The following IHO1 variants were observed in gnomAD, a reference collection of about 807,000 sequenced individuals.
IHO1 encodes interactor of HORMAD1 protein 1.
Under a neutral mutation model 31.0 loss-of-function variants are expected in IHO1, and 13 were observed. The observed-to-expected ratio is 0.42, with a 90% CI of 0.27 to 0.67. The LOEUF (loss-of-function observed/expected upper bound fraction) is 0.67. Among genes scored for constraint, IHO1 ranks in the 30% least tolerant of loss-of-function variants. The probability of loss-of-function intolerance (pLI) is 0.24; values close to 1 mark genes in which losing one functional copy is unlikely to be tolerated. For synonymous variants in IHO1, 221 were observed against 248.4 expected (o/e 0.89, Z 1.04); for missense variants, 599 against 687.5 (o/e 0.87, Z 1.44).
the IHO1 span, among the ~76,000 whole-genome samples, chr3:49,192,812 C>A: frequency 1.3e-5 from 2 of 152,008 alleles, no homozygotes; most frequent in Admixed American, 6.6e-5. Flanking sequence ...GGGAGGATTG[C>A]CTGAGCCTGA....
Position 49,256,106 on chromosome 3 carries a change from C to T in IHO1, c.637-28C>T, listed in dbSNP as rs1464068500. 6.4e-7 allele frequency: 1 copy of T among 1,567,800 alleles called. No individual in the cohort carries two copies. The highest frequency in any genetic ancestry group is 1.4e-5 in the African/African-American group (1 of 73,924). ...GCTTTCTGACTTGCACTGTCCATCA[C>T]TGTCTTTCTCACTGCCTCTCTCCCC... is the stretch of plus-strand genomic sequence containing the variant. On this transcript the variant is annotated intron_variant, in intron 7 of 7. Transcript: ENST00000452691. This position sits in a 1 kb window ranked among gnomAD's most constrained non-coding sequence, Gnocchi z 4.6.
chr3:49,202,578 G>A (rs1196816151), intron 1 of IHO1, among the ~76,000 whole-genome samples: 3 of 151,054 alleles, frequency 2.0e-5, no homozygotes, highest in Non-Finnish European at 3.0e-5. Context: ...GGGTTTCACC[G>A]TGTTAGCCAG....
chr3:49,192,733 A>G, the IHO1 span, among the ~76,000 whole-genome samples: 3 of 152,108 alleles, frequency 2.0e-5, no homozygotes, highest in Admixed American at 6.6e-5. Context: ...TGGTCTCTAC[A>G]AAAAATACAA....
rs1383825199 is a variant in IHO1 at position 49,202,493 on chromosome 3, TTTTGTGTGTGTGTGTGTG to T, written c.-16+2922_-16+2939del. On this transcript the variant is annotated intron_variant, in intron 1 of 7. Transcript: ENST00000452691. ...GGTGCCTGACACCATGCCCGGCTAATTTTGTGTGTGTGTGTGTGTGTGTGTGTGTGTGTGTGTGTGTGT... is the reference window on the plus strand; with the variant it reads ...GGTGCCTGACACCATGCCCGGCTAATTGTGTGTGTGTGTGTGTGTGTGTGT... 1.1e-3 allele frequency among the ~76,000 whole-genome samples: 118 copies of T among 110,328 alleles called. 1 individual carries two copies. The highest frequency in any genetic ancestry group is 3.3e-3 in the African/African-American group (88 of 26,632). The allele number at this position is 110,328 out of a possible 152,430, so 72.4% of individuals were successfully genotyped here. A position where few individuals can be genotyped will look rare whatever the true frequency, so the allele number is the denominator to read the frequency against.
At chr3:49,210,276 G>A (rs574133048) in intron 1 of IHO1, among the ~76,000 whole-genome samples, 4 of 150,350 alleles carry the variant, frequency 2.7e-5, no homozygotes, top group South Asian at 4.2e-4. Context: ...TTTCTTCGTC[G>A]CCCAAGCTGG....
intron 2 of IHO1, chr3:49,214,102 G>A: frequency 5.8e-6 from 1 of 172,426 alleles, no homozygotes; most frequent in South Asian, 1.1e-4. Context: ...ATCCAGCTCT[G>A]TGTGTTAACT....
At chr3:49,242,250 G>A (rs1465253329) in intron 4 of IHO1, among the ~76,000 whole-genome samples, 1 of 151,880 alleles carries the variant, frequency 6.6e-6, no homozygotes, top group African/African-American at 2.4e-5. Context: ...TCCCACCTTA[G>A]CTTCCCAAGT....
chr3:49,214,953 TCCAATTC>T (rs1166810795), intron 2 of IHO1, among the ~76,000 whole-genome samples: 1 of 151,442 alleles, frequency 6.6e-6, no homozygotes, highest in Non-Finnish European at 1.5e-5. Flanking sequence ...CTTCATTAAG[TCCAATTC>T]CTCTGTTGGA....
chr3:49,238,558 T>A (rs2046587994), intron 3 of IHO1, among the ~76,000 whole-genome samples: 2 of 152,178 alleles, frequency 1.3e-5, no homozygotes, highest in South Asian at 4.1e-4. Flanking sequence ...AAGTGTATAG[T>A]GCAGGCAAGT....
rs1041625420 is a variant in IHO1, at chr3:49,231,139, C to T, written c.57-5409C>T. Among the ~76,000 whole-genome samples, 5 of 152,198 alleles carry T rather than the reference C, an allele frequency of 3.3e-5. No homozygotes were observed. In the East Asian group the frequency reaches 5.8e-4, roughly 18 times the overall value. ...CTCTAACTTCTTATTTGGATCAAAT[C>T]GCTACTATGATAGGAAATGGGAGAA... On this transcript the variant is annotated intron_variant, in intron 2 of 7. Transcript: ENST00000452691.
At chr3:49,195,730 C>A (rs1166356201), upstream of IHO1, among the ~76,000 whole-genome samples, 3 of 151,354 alleles carry the variant, frequency 2.0e-5, no homozygotes, top group African/African-American at 4.9e-5. Flanking sequence ...ACAACAACAA[C>A]AAAAATAATA....
the IHO1 span, chr3:49,191,965 T>C: frequency 3.2e-6 from 2 of 619,466 alleles, no homozygotes; most frequent in Admixed American, 2.8e-5. Flanking sequence ...CTAGTTCTTC[T>C]CTGTGAGAAA....
intron 6 of IHO1, among the ~76,000 whole-genome samples, chr3:49,246,395 A>G (rs571390876): frequency 2.0e-5 from 3 of 152,206 alleles, no homozygotes; most frequent in East Asian, 3.9e-4. Context: ...CTATAATCCC[A>G]GCACTTTGGG....
chr3:49,224,804 G>T (rs1352369334), intron 2 of IHO1, among the ~76,000 whole-genome samples: 1 of 152,238 alleles, frequency 6.6e-6, no homozygotes, highest in Admixed American at 6.5e-5. Flanking sequence ...AGTCACACTT[G>T]ATTGGTTCCC....
At chr3:49,247,874 C>T (rs1559452071) in intron 6 of IHO1, among the ~76,000 whole-genome samples, 2 of 151,798 alleles carry the variant, frequency 1.3e-5, no homozygotes, top group African/African-American at 2.4e-5. Context: ...TCTGTAATTC[C>T]AGCACTTTGG....
At chr3:49,217,146 C>A (rs1327427352) in intron 2 of IHO1, among the ~76,000 whole-genome samples, 2 of 152,114 alleles carry the variant, frequency 1.3e-5, no homozygotes, top group Non-Finnish European at 2.9e-5. Context: ...GGGCATATAC[C>A]TAAAGGATTA....
intron 1 of IHO1, among the ~76,000 whole-genome samples, chr3:49,209,328 G>A (rs549282473): frequency 6.6e-6 from 1 of 152,208 alleles, no homozygotes; most frequent in African/African-American, 2.4e-5. Flanking sequence ...GGAACTATAA[G>A]GGCCTTTTAA....
upstream of IHO1, among the ~76,000 whole-genome samples, chr3:49,197,409 C>A (rs1046056117): frequency 6.6e-6 from 1 of 152,140 alleles, no homozygotes; most frequent in Non-Finnish European, 1.5e-5. Flanking sequence ...GATCCTCCCA[C>A]CTTGGCCTCC....
chr3:49,239,788 G>C (rs1054227379), intron 3 of IHO1, among the ~76,000 whole-genome samples: 1 of 151,734 alleles, frequency 6.6e-6, no homozygotes, highest in African/African-American at 2.4e-5. Context: ...TCAGTCTCCT[G>C]AGTAGCTGGG....
Sources: allele counts gnomAD v4.1 joint callset (sites outside exome capture counted in the v4.1 genomes callset), GRCh38; gene constraint gnomAD v4.1.1; non-coding constraint Gnocchi (gnomAD v3.1); transcripts MANE v1.5; gene names NCBI Gene and HGNC (gene_info 2026-07-23, HGNC 2026-07-21).